The following ZNF391 variants were observed in gnomAD, a reference collection of about 807,000 sequenced individuals.
ZNF391 encodes the protein zinc finger protein 391.
For missense variants in ZNF391, 375 were observed against 425.5 expected, an observed-to-expected ratio of 0.88 and a Z score of 1.04; for synonymous variants, 126 against 142.1, an observed-to-expected ratio of 0.89 and a Z score of 0.80.
upstream of ZNF391, among the ~76,000 whole-genome samples, chr6:27,384,730 G>C (rs921757160): frequency 6.6e-5 from 10 of 152,012 alleles, no homozygotes; most frequent in African/African-American, 2.4e-4. Flanking sequence ...GAATTATTTT[G>C]TTATTGGCCA....
chr6:27,389,672 C>G (rs1223265007), intron 1 of ZNF391, among the ~76,000 whole-genome samples: 1 of 152,064 alleles, frequency 6.6e-6, no homozygotes, highest in Admixed American at 6.5e-5. Flanking sequence ...GGAGTGGTGG[C>G]GCGCGCCTGT....
Position 27,388,958 on chromosome 6 carries a change from C to T in ZNF391, c.-305C>T, listed in dbSNP as rs1463239166. 4.4e-6 allele frequency: 2 copies of T among 456,400 alleles called. No individual in the cohort carries two copies. Among genetic ancestry groups the T allele is most frequent in the Non-Finnish European group, 8.8e-6 (2 of 226,928 alleles). 28.3% of individuals were successfully genotyped at this position (456,400 alleles called of 1,614,324 possible). A position where few individuals can be genotyped will look rare whatever the true frequency, so the allele number is the denominator to read the frequency against. ...ATGGGTTTCTCTTTAATCCTTCCGA[C>T]TTCCCCAAGCCCAGCGCACTCAGGT... On this transcript the variant is annotated 5_prime_UTR_variant, in exon 1 of 3. Transcript: ENST00000244576.
At chr6:27,381,035 G>C (rs1349378585) in intron 1 of ZNF391, among the ~76,000 whole-genome samples, 1 of 152,268 alleles carries the variant, frequency 6.6e-6, no homozygotes, top group African/African-American at 2.4e-5. Context: ...GCTGCAAGTG[G>C]AGCTGCCTGC....
At chr6:27,379,995 T>TGA (rs1171716203) in intron 1 of ZNF391, among the ~76,000 whole-genome samples, 1 of 152,246 alleles carries the variant, frequency 6.6e-6, no homozygotes, top group Non-Finnish European at 1.5e-5. Context: ...ACCAAAAGAC[T>TGA]GAGACCTACT....
intron 1 of ZNF391, chr6:27,391,056 C>T (rs1358656400): frequency 6.6e-6 from 1 of 152,114 alleles, no homozygotes; most frequent in Admixed American, 6.6e-5. Flanking sequence ...GAGGCTGGAT[C>T]ACCTAAAGGG....
chr6:27,378,711 C>G (rs368099229), intron 1 of ZNF391, among the ~76,000 whole-genome samples: 1 of 152,148 alleles, frequency 6.6e-6, no homozygotes, highest in Non-Finnish European at 1.5e-5. Context: ...AGAGGCCTGA[C>G]AGTCAATATT....
chr6:27,396,871 A>G (rs1039523919), intron 1 of ZNF391, among the ~76,000 whole-genome samples: 2 of 152,218 alleles, frequency 1.3e-5, no homozygotes, highest in African/African-American at 2.4e-5. Flanking sequence ...GTCAGGTAGG[A>G]TAAATGACAG....
chr6:27,389,194 G>A, intron 1 of ZNF391, 119 bp downstream of exon 1: 1 of 456,644 alleles, frequency 2.2e-6, no homozygotes. Context: ...CGGTTGGGAC[G>A]CCGCGTGGCG....
At chr6:27,377,110 C>T (rs780014005) in intron 1 of ZNF391, among the ~76,000 whole-genome samples, 26 of 151,882 alleles carry the variant, frequency 1.7e-4, no homozygotes, top group African/African-American at 4.3e-4. Flanking sequence ...TGCTCCAAAA[C>T]GAAAAATTGC....
At chr6:27,398,215 G>T (rs6456777) in intron 1 of ZNF391, among the ~76,000 whole-genome samples, 1 of 152,026 alleles carries the variant, frequency 6.6e-6, no homozygotes, top group South Asian at 2.1e-4. Context: ...ATTATGCTGT[G>T]AGCAGAAATA....
At chr6:27,383,221 T>C (rs1379921464) in intron 1 of ZNF391, among the ~76,000 whole-genome samples, 1 of 150,882 alleles carries the variant, frequency 6.6e-6, no homozygotes, top group Non-Finnish European at 1.5e-5. Context: ...AACATATGTA[T>C]AATAGGAATA....
At chr6:27,380,441 G>A (rs1308746859) in intron 1 of ZNF391, among the ~76,000 whole-genome samples, 1 of 152,198 alleles carries the variant, frequency 6.6e-6, no homozygotes, top group Non-Finnish European at 1.5e-5. Flanking sequence ...CTGGCTTCAA[G>A]AGTGAAGCTG....
chr6:27,395,077 G>A (rs776103029), intron 1 of ZNF391: 22 of 152,124 alleles, frequency 1.4e-4, no homozygotes, highest in Non-Finnish European at 2.9e-4. Context: ...TGGGACTTTT[G>A]AGTTAATGCC....
intron 1 of ZNF391, among the ~76,000 whole-genome samples, chr6:27,391,517 A>G (rs1761713857): frequency 6.8e-6 from 1 of 147,572 alleles, no homozygotes; most frequent in African/African-American, 2.5e-5. Flanking sequence ...CTAGATGTGG[A>G]CATTACTAGA....
In ZNF391 at chr6:27,400,948, ATGAATGTAG is replaced by A; in HGVS notation, c.586_594del (p.Ser196_Cys198del). On this transcript the variant is annotated inframe_deletion, in exon 3 of 3. Transcript: ENST00000244576. ...AGAATCCATACTGGAGAAAAACCAT[ATGAATGTAG>A]TGAATGTGGAAAAGCCTTTAGCCGA... The A allele has an allele frequency of 2.5e-6, 4 of 1,614,214 alleles. No individual in the cohort carries two copies. Among genetic ancestry groups the A allele is most frequent in the Middle Eastern group, 1.6e-4 (1 of 6,062 alleles).
At chr6:27,388,375 C>T (rs1344398885), upstream of ZNF391, among the ~76,000 whole-genome samples, 1 of 152,086 alleles carries the variant, frequency 6.6e-6, no homozygotes, top group Non-Finnish European at 1.5e-5. Flanking sequence ...TTTCTCCAGA[C>T]AGGCTGGAGA....
intron 1 of ZNF391, among the ~76,000 whole-genome samples, chr6:27,391,826 A>T (rs1581531517): frequency 6.6e-6 from 1 of 152,134 alleles, no homozygotes; most frequent in East Asian, 1.9e-4. Context: ...ACACTCCCTC[A>T]CTCTAATTCA....
chr6:27,384,901 T>C (rs9461375), upstream of ZNF391, among the ~76,000 whole-genome samples: 106,869 of 151,604 alleles, frequency 0.7, 37,907 homozygotes, highest in Middle Eastern at 0.8. Flanking sequence ...GCCTGTAATC[T>C]CAGCTACTTA....
Position 27,403,059 on chromosome 6 carries a change from G to T in ZNF391, c.*1612G>T, listed in dbSNP as rs1294129149. ...TCTCTCTTTCTACTGCTGCTTCCAA[G>T]TTCTTGGTACCTTGTGCCTAGATTA... On this transcript the variant is annotated 3_prime_UTR_variant, in exon 3 of 3. Transcript: ENST00000244576. 1 of 151,780 alleles carries T rather than the reference G, an allele frequency of 6.6e-6. No individual in the cohort carries two copies. Among genetic ancestry groups the T allele is most frequent in the East Asian group, 1.9e-4 (1 of 5,184 alleles). The allele number at this position is 151,780 out of a possible 1,614,324, so 9.4% of individuals were successfully genotyped here.
Sources: allele counts gnomAD v4.1 joint callset (sites outside exome capture counted in the v4.1 genomes callset), GRCh38; gene constraint gnomAD v4.1.1; transcripts MANE v1.5; gene names NCBI Gene and HGNC (gene_info 2026-07-23, HGNC 2026-07-21).